PELI1: variants seen among roughly 807,000 people sequenced by gnomAD.
PELI1 encodes E3 ubiquitin-protein ligase pellino homolog 1.
In PELI1, 15 loss-of-function variants were observed where a neutral mutation model predicts 41.3. The observed-to-expected ratio is 0.36, with a 90% CI of 0.24 to 0.56. The LOEUF is 0.56. PELI1 is among the 20% of genes least tolerant of loss of function. PELI1 has a pLI of 0.82. For synonymous variants in PELI1, 178 were observed against 180.1 expected, an observed-to-expected ratio of 0.99 and a Z score of 0.09; for missense variants, 403 against 525.5, an observed-to-expected ratio of 0.77 and a Z score of 2.28.
chr2:64,142,439 A>G (rs779970267), intron 1 of PELI1, among the ~76,000 whole-genome samples: 4 of 152,192 alleles, frequency 2.6e-5, no homozygotes, highest in Non-Finnish European at 4.4e-5. Context: ...TACAGTTCTG[A>G]TTATTATTTA....
rs1477490705 is a variant in PELI1 at position 64,144,354 on chromosome 2, G to C, written c.-343C>G. ...CCGCGGGACTAGGGCTGCTGCCGCT[G>C]CTGCTAGTGGAGGCGGCGGCGGCGC... On this transcript the variant is annotated 5_prime_UTR_variant, in exon 1 of 7. Transcript: ENST00000358912. 6.6e-6 allele frequency: 1 copy of C among 152,400 alleles called. No individual in the cohort carries two copies. Among genetic ancestry groups the C allele is most frequent in the East Asian group, 1.9e-4 (1 of 5,166 alleles). The allele number at this position is 152,400 out of a possible 1,614,324, so 9.4% of individuals were successfully genotyped here.
At chr2:64,095,411 TG>T in intron 6 of PELI1, 143 bp from the exon 7 acceptor site, 2 of 609,812 alleles carry the variant, frequency 3.3e-6, no homozygotes, top group South Asian at 4.2e-5. Flanking sequence ...ACAGTAGTTA[TG>T]AAAAATGTTA....
chr2:64,136,142 A>C (rs1257264046), intron 1 of PELI1, among the ~76,000 whole-genome samples: 1 of 152,220 alleles, frequency 6.6e-6, no homozygotes, highest in East Asian at 1.9e-4. Flanking sequence ...GTTACACTTC[A>C]GTATGGTCAT....
chr2:64,128,362 GTAA>G (rs140828531), intron 1 of PELI1, among the ~76,000 whole-genome samples: 3,149 of 152,062 alleles, frequency 0.021, 98 homozygotes, highest in African/African-American at 0.07. Context: ...TTTCAATCAT[GTAA>G]TAATAATAAT....
At chr2:64,119,181 T>C (rs993479216) in intron 1 of PELI1, among the ~76,000 whole-genome samples, 5 of 152,210 alleles carry the variant, frequency 3.3e-5, no homozygotes, top group African/African-American at 9.6e-5. Context: ...TTGAGATTTA[T>C]TTAACTTCTT....
chr2:64,095,721 G>A (rs530260012), intron 6 of PELI1, among the ~76,000 whole-genome samples: 3 of 152,314 alleles, frequency 2.0e-5, no homozygotes, highest in South Asian at 4.1e-4. Context: ...TTGGCTCACC[G>A]CAACCTCTGC....
intron 1 of PELI1, among the ~76,000 whole-genome samples, chr2:64,115,902 C>A (rs756484250): frequency 2.4e-4 from 37 of 152,230 alleles, no homozygotes; most frequent in Non-Finnish European, 3.7e-4. Context: ...CTGAGATTAT[C>A]TGAACCTTTG....
intron 1 of PELI1, among the ~76,000 whole-genome samples, chr2:64,131,226 A>C (rs1681543467): frequency 6.7e-6 from 1 of 149,632 alleles, no homozygotes; most frequent in Non-Finnish European, 1.5e-5. Flanking sequence ...TATTATATTA[A>C]ATTTGTTAAA....
Position 64,104,681 on chromosome 2 carries a change from C to CTTT in PELI1, c.201+17_201+19dup, listed in dbSNP as rs537000200. On this transcript the variant is annotated intron_variant, in intron 3 of 6. Transcript: ENST00000358912. ...AAATTCTCCAAGTTAATTTATGTAG[C>CTTT]TTTTTTTTTTTTTTTTTACCTTTGC... 26,925 of 1,453,236 alleles carry CTTT rather than the reference C, an allele frequency of 0.019. 347 individuals are homozygous for CTTT. Among genetic ancestry groups the CTTT allele is most frequent in the African/African-American group, 0.082 (5,380 of 65,528 alleles). The allele number at this position is 1,453,236 out of a possible 1,614,324, so 90.0% of individuals were successfully genotyped here. A position where few individuals can be genotyped will look rare whatever the true frequency, so the allele number is the denominator to read the frequency against.
intron 1 of PELI1, among the ~76,000 whole-genome samples, chr2:64,119,322 T>C (rs1477141699): frequency 6.6e-6 from 1 of 152,218 alleles, no homozygotes; most frequent in African/African-American, 2.4e-5. Flanking sequence ...GCAAGCTTAC[T>C]TTAACCTGAA....
intron 1 of PELI1, among the ~76,000 whole-genome samples, chr2:64,134,940 A>G (rs535519359): frequency 3.3e-5 from 5 of 152,182 alleles, no homozygotes; most frequent in Non-Finnish European, 7.4e-5. Flanking sequence ...CTAGAAAAAT[A>G]TCAGGGCCAG....
At chr2:64,138,624 G>A (rs1400857008) in intron 1 of PELI1, among the ~76,000 whole-genome samples, 5 of 152,136 alleles carry the variant, frequency 3.3e-5, no homozygotes, top group Non-Finnish European at 7.3e-5. Flanking sequence ...CTACTCAGGA[G>A]GCTGAGGTAG....
At chr2:64,137,608 C>A (rs981177660) in intron 1 of PELI1, among the ~76,000 whole-genome samples, 1 of 152,118 alleles carries the variant, frequency 6.6e-6, no homozygotes, top group Non-Finnish European at 1.5e-5. Flanking sequence ...TTATCCACAA[C>A]ATTATTAAAA....
intron 3 of PELI1, 24 bp downstream of exon 3, chr2:64,104,677 G>A (rs1293866073): frequency 2.1e-6 from 3 of 1,418,700 alleles, no homozygotes; most frequent in Non-Finnish European, 2.9e-6. Context: ...GTTAATTTAT[G>A]TAGCTTTTTT....
At chr2:64,134,256 G>A (rs1558487530) in intron 1 of PELI1, among the ~76,000 whole-genome samples, 1 of 152,132 alleles carries the variant, frequency 6.6e-6, no homozygotes, top group African/African-American at 2.4e-5. Flanking sequence ...TTCTAAAAGA[G>A]ACACAACCAA....
At chr2:64,116,385 A>G (rs945693670) in intron 1 of PELI1, among the ~76,000 whole-genome samples, 2 of 152,238 alleles carry the variant, frequency 1.3e-5, no homozygotes, top group African/African-American at 4.8e-5. Flanking sequence ...TAACCATTAA[A>G]GTCCCAAATA....
chr2:64,140,197 T>G (rs1283673386), intron 1 of PELI1, among the ~76,000 whole-genome samples: 1 of 152,146 alleles, frequency 6.6e-6, no homozygotes, highest in East Asian at 1.9e-4. Flanking sequence ...TAGCAACAAA[T>G]TTTCTGAAAA....
Position 64,100,381 on chromosome 2 carries a change from T to G in PELI1, c.303+17A>C. On this transcript the variant is annotated intron_variant, in intron 4 of 6. Transcript: ENST00000358912. ...TTTTTCGTTTCTTAAGAAAAAAAATTTAAGATGTTGTAATACCTGAAACAT... is the reference window on the plus strand; with the variant it reads ...TTTTTCGTTTCTTAAGAAAAAAAATGTAAGATGTTGTAATACCTGAAACAT... 7.6e-7 allele frequency: 1 copy of G among 1,315,418 alleles called. No individual in the cohort carries two copies. The highest frequency in any genetic ancestry group is 1.1e-6 in the Non-Finnish European group (1 of 916,862). 81.5% of individuals were successfully genotyped at this position (1,315,418 alleles called of 1,614,324 possible). A position where few individuals can be genotyped will look rare whatever the true frequency, so the allele number is the denominator to read the frequency against.
intron 1 of PELI1, among the ~76,000 whole-genome samples, chr2:64,133,361 T>C (rs889592252): frequency 1.3e-5 from 2 of 152,136 alleles, no homozygotes; most frequent in Non-Finnish European, 2.9e-5. Context: ...AGACTTTCTA[T>C]AGGCAAATTA....
Sources: allele counts gnomAD v4.1 joint callset (sites outside exome capture counted in the v4.1 genomes callset), GRCh38; gene constraint gnomAD v4.1.1; transcripts MANE v1.5; gene names NCBI Gene and HGNC (gene_info 2026-07-23, HGNC 2026-07-21).